The following KCNK3 variants were observed in gnomAD, a reference collection of about 807,000 sequenced individuals.
The protein encoded by KCNK3 is potassium channel subfamily K member 3.
In KCNK3, 9 loss-of-function variants were observed where a neutral mutation model predicts 27.3. That is an observed-to-expected ratio of 0.33 (90% CI 0.20 to 0.57). KCNK3 has a LOEUF of 0.57. Among genes scored for constraint, KCNK3 ranks in the 20% least tolerant of loss-of-function variants. The probability of loss-of-function intolerance (pLI) is 0.87; values close to 1 mark genes in which losing one functional copy is unlikely to be tolerated. For synonymous variants in KCNK3, 278 were observed against 273.8 expected (o/e 1.02, Z -0.15); for missense variants, 391 against 577.7 (o/e 0.68, Z 3.31).
intron 1 of KCNK3, among the ~76,000 whole-genome samples, chr2:26,696,143 A>G (rs910957105): frequency 1.3e-5 from 2 of 152,232 alleles, no homozygotes; most frequent in African/African-American, 4.8e-5. Context: ...TTGGGATGGA[A>G]TAATGACAGC....
rs1262012941 is a variant in KCNK3, at chr2:26,729,299, C to A, written c.*731C>A. On this transcript the variant is annotated 3_prime_UTR_variant, in exon 2 of 2. Coordinates refer to ENST00000302909, the MANE Select transcript of KCNK3 (RefSeq NM_002246.3). ...CACATTCTCATAGCAGGTAGGACTT[C>A]AGCCTTCCAGACACTGCCCTTAGAA... 1 of 152,312 alleles carries A rather than the reference C, an allele frequency of 6.6e-6. No homozygotes were observed. Among genetic ancestry groups the A allele is most frequent in the Non-Finnish European group, 1.5e-5 (1 of 68,060 alleles). 9.4% of individuals were successfully genotyped at this position (152,312 alleles called of 1,614,324 possible).
intron 1 of KCNK3, among the ~76,000 whole-genome samples, chr2:26,722,132 C>T (rs1214493354): frequency 1.3e-5 from 2 of 152,194 alleles, no homozygotes; most frequent in Admixed American, 1.3e-4. Context: ...CCTTGATCGA[C>T]CTTGCACATG....
At position 26,732,357 on chromosome 2, in the gene KCNK3, T is replaced by C. The variant is rs964287028; in HGVS notation, c.*3789T>C. The stretch of plus-strand genomic sequence containing the variant: ...AAAATGCTGGTCACGATCCACTAAA[T>C]TGATGTCTCTACCTGCTAATGGTTT... On this transcript the variant is annotated 3_prime_UTR_variant, in exon 2 of 2. Transcript: ENST00000302909. 6.6e-6 allele frequency: 1 copy of C among 152,352 alleles called. No homozygotes were observed. Among genetic ancestry groups the C allele is most frequent in the African/African-American group, 2.4e-5 (1 of 41,570 alleles). 9.4% of individuals were successfully genotyped at this position (152,352 alleles called of 1,614,324 possible).
chr2:26,726,106 C>CAGAGAGAGAG (rs1168877805), intron 1 of KCNK3, among the ~76,000 whole-genome samples: 13 of 81,722 alleles, frequency 1.6e-4, no homozygotes, highest in African/African-American at 8.0e-4. Context: ...CACACACACA[C>CAGAGAGAGAG]AGAGAGAGAG....
intron 1 of KCNK3, among the ~76,000 whole-genome samples, chr2:26,706,295 C>T (rs965676049): frequency 6.6e-6 from 1 of 152,124 alleles, no homozygotes; most frequent in African/African-American, 2.4e-5. Flanking sequence ...TTTCCCCTCC[C>T]CCCCAGAGGA....
chr2:26,699,246 A>AAAGAAAGAAAGAAAGC (rs1553384422), intron 1 of KCNK3, among the ~76,000 whole-genome samples: 3 of 140,342 alleles, frequency 2.1e-5, no homozygotes, highest in Non-Finnish European at 4.5e-5. Context: ...AGAAAGAAAG[A>AAAGAAAGAAAGAAAGC]AAGAAAGCCA....
intron 1 of KCNK3, among the ~76,000 whole-genome samples, chr2:26,723,113 A>C (rs986448087): frequency 6.6e-6 from 1 of 152,204 alleles, no homozygotes; most frequent in Admixed American, 6.5e-5. Context: ...ACTAGCAGGC[A>C]TAGGAGGCCA....
Position 26,693,350 on chromosome 2 carries a change from T to A in KCNK3, c.283+192T>A, listed in dbSNP as rs1670194637. ...GGACGGAACTCGGGGAGGCGTCGAT[T>A]CCTGGCTCCGGACCTGACTCTCCGG... On this transcript the variant is annotated intron_variant, in intron 1 of 1. Transcript: ENST00000302909. This position sits in a 1 kb window ranked among gnomAD's most constrained non-coding sequence, Gnocchi z 5.5. Among the ~76,000 whole-genome samples the A allele has an allele frequency of 6.6e-6, 1 of 152,288 alleles. No homozygotes were observed. Among genetic ancestry groups the A allele is most frequent in the South Asian group, 2.1e-4 (1 of 4,830 alleles).
chr2:26,727,506 C>T (rs191886900), intron 1 of KCNK3, among the ~76,000 whole-genome samples, 161 bp from the exon 2 acceptor site: 1 of 152,300 alleles, frequency 6.6e-6, no homozygotes, highest in East Asian at 1.9e-4. Context: ...AAAGCATGAG[C>T]CAGGGCCTAG....
chr2:26,723,011 C>T (rs769655718), intron 1 of KCNK3, among the ~76,000 whole-genome samples: 2 of 152,242 alleles, frequency 1.3e-5, no homozygotes, highest in Non-Finnish European at 2.9e-5. Context: ...TCTCCTGCCT[C>T]CTAGCCCCAT....
chr2:26,707,585 G>A (rs1670391681), intron 1 of KCNK3, among the ~76,000 whole-genome samples: 1 of 152,200 alleles, frequency 6.6e-6, no homozygotes. Flanking sequence ...CACTCAGAAT[G>A]TTTTGGGGCC....
intron 1 of KCNK3, among the ~76,000 whole-genome samples, chr2:26,705,146 G>C (rs1288354653): frequency 6.6e-6 from 1 of 152,092 alleles, no homozygotes. Context: ...TAAATTTTAA[G>C]TAGAGACAGG....
intron 1 of KCNK3, among the ~76,000 whole-genome samples, chr2:26,698,740 G>A (rs1179347458): frequency 2.6e-5 from 4 of 151,912 alleles, no homozygotes; most frequent in Middle Eastern, 3.4e-3. Context: ...CCATCTCCCC[G>A]CTCCTCAGCC....
At chr2:26,726,104 C>G (rs2699696) in intron 1 of KCNK3, among the ~76,000 whole-genome samples, 34,524 of 78,532 alleles carry the variant, frequency 0.44, 4,613 homozygotes, top group Admixed American at 0.52. Flanking sequence ...CACACACACA[C>G]ACAGAGAGAG....
chr2:26,732,479 T>G lies in KCNK3; in HGVS notation c.*3911T>G, dbSNP rs1236540837. The G allele has an allele frequency of 6.6e-6, 1 of 152,114 alleles. No homozygotes were observed. The highest frequency in any genetic ancestry group is 1.5e-5 in the Non-Finnish European group (1 of 68,036). 9.4% of individuals were successfully genotyped at this position (152,114 alleles called of 1,614,324 possible). A position where few individuals can be genotyped will look rare whatever the true frequency, so the allele number is the denominator to read the frequency against. On this transcript the variant is annotated 3_prime_UTR_variant, in exon 2 of 2. Coordinates refer to ENST00000302909, the MANE Select transcript of KCNK3 (RefSeq NM_002246.3). ...CACCGCCCCTCGTTACCCGCATAGGTCAACTGAAAGATACAGAGAGGGAAG... is the reference window on the plus strand; with the variant it reads ...CACCGCCCCTCGTTACCCGCATAGGGCAACTGAAAGATACAGAGAGGGAAG...
intron 1 of KCNK3, among the ~76,000 whole-genome samples, chr2:26,705,411 C>T (rs1248213971): frequency 6.6e-6 from 1 of 152,084 alleles, no homozygotes; most frequent in Non-Finnish European, 1.5e-5. Flanking sequence ...CATATCAACC[C>T]CAAGGTGTAG....
chr2:26,723,104 C>T (rs1663354197), intron 1 of KCNK3, among the ~76,000 whole-genome samples: 1 of 152,214 alleles, frequency 6.6e-6, no homozygotes, highest in Admixed American at 6.5e-5. Context: ...AGCAAGCAGA[C>T]TAGCAGGCAT....
intron 1 of KCNK3, among the ~76,000 whole-genome samples, chr2:26,717,630 A>G (rs1384083427): frequency 6.6e-6 from 1 of 152,258 alleles, no homozygotes; most frequent in East Asian, 1.9e-4. Flanking sequence ...CTGAGCTCAC[A>G]GATGCCCTGT....
chr2:26,724,258 C>T (rs1326568795), intron 1 of KCNK3, among the ~76,000 whole-genome samples: 2 of 152,252 alleles, frequency 1.3e-5, no homozygotes, highest in Admixed American at 6.5e-5. Flanking sequence ...CTTGGAGAAG[C>T]GTCTGACTGC....
Sources: gnomAD v4.1 joint callset for allele counts (sites outside exome capture counted in the v4.1 genomes callset) on GRCh38, gnomAD v4.1.1 for gene constraint, Gnocchi (gnomAD v3.1) non-coding constraint, MANE v1.5 for transcripts, NCBI Gene and HGNC (gene_info 2026-07-23, HGNC 2026-07-21) for gene names.